CORIN: variants seen among roughly 807,000 people sequenced by gnomAD.
CORIN encodes the protein atrial natriuretic peptide-converting enzyme.
A neutral mutation model predicts 125.3 loss-of-function variants in CORIN; 117 were observed. That is an observed-to-expected ratio of 0.93 (90% CI 0.80 to 1.09). The LOEUF (loss-of-function observed/expected upper bound fraction) is 1.09. CORIN is among the 50% of genes least tolerant of loss of function. The pLI, the probability that CORIN is intolerant of heterozygous loss-of-function variation, is 0.00. For missense variants in CORIN, 1,253 were observed against 1,306.7 expected (o/e 0.96, Z 0.63); for synonymous variants, 450 against 466.4 (o/e 0.96, Z 0.45).
At chr4:47,729,613 A>AC (rs1328344519) in intron 5 of CORIN, among the ~76,000 whole-genome samples, 1 of 152,152 alleles carries the variant, frequency 6.6e-6, no homozygotes, top group Non-Finnish European at 1.5e-5. Flanking sequence ...AATGATACAG[A>AC]CGGGAGGTGG....
At position 47,630,809 on chromosome 4, in the gene CORIN, C is replaced by T. The variant is rs74883661; in HGVS notation, c.2199-4288G>A. Among the ~76,000 whole-genome samples the T allele has an allele frequency of 4.4e-3, 675 of 152,310 alleles. 4 individuals carry two copies. Among genetic ancestry groups the T allele is most frequent in the African/African-American group, 0.016 (646 of 41,560 alleles). Reference sequence around the variant, plus strand: ...ATCACCTGGAGGACCTGTTACAACACAGATTTGTTGGCCTCATCCCCAGAT... The same window carrying T: ...ATCACCTGGAGGACCTGTTACAACATAGATTTGTTGGCCTCATCCCCAGAT... On this transcript the variant is annotated intron_variant, in intron 16 of 21. Transcript: ENST00000273857.
rs58545215 is a variant in CORIN, at chr4:47,706,983, G to C, written c.800-13900C>G. On this transcript the variant is annotated intron_variant, in intron 5 of 21. Transcript: ENST00000273857. ...AATACTCTCCAGCTCCACCGTTACCGCTAATACAAGTAAAGTTTGTAAAAT... is the reference window on the plus strand; with the variant it reads ...AATACTCTCCAGCTCCACCGTTACCCCTAATACAAGTAAAGTTTGTAAAAT... 4,563 of 1,562,930 alleles carry C rather than the reference G, an allele frequency of 2.9e-3. 98 individuals are homozygous for C. The African/African-American group carries it at 0.049, about 17-fold the overall frequency.
intron 3 of CORIN, among the ~76,000 whole-genome samples, chr4:47,776,314 C>T (rs773872564): frequency 1.3e-4 from 19 of 144,268 alleles, no homozygotes; most frequent in East Asian, 6.4e-4. Flanking sequence ...GAGTCAAGGT[C>T]TCACTCTGTT....
In CORIN at chr4:47,628,103, G is replaced by C. The variant is rs140465508; in HGVS notation, c.2199-1582C>G. Among the ~76,000 whole-genome samples the C allele has an allele frequency of 6.6e-4, 101 of 152,212 alleles. 1 individual carries two copies. In the East Asian group the frequency reaches 0.015, roughly 22 times the overall value. On this transcript the variant is annotated intron_variant, in intron 16 of 21. Coordinates refer to ENST00000273857, the MANE Select transcript of CORIN (RefSeq NM_006587.4). ...TAAGAAATTAATCATCAAGGATAGG[G>C]GAGTATCATTATGAAAATTAGGTTT... is the stretch of plus-strand genomic sequence containing the variant.
chr4:47,738,335 T>C (rs888381985), intron 5 of CORIN, among the ~76,000 whole-genome samples: 1 of 152,194 alleles, frequency 6.6e-6, no homozygotes, highest in Non-Finnish European at 1.5e-5. Context: ...TCGACTCTGC[T>C]ACAGTACTGA....
At chr4:47,613,961 A>T (rs66911545) in intron 19 of CORIN, among the ~76,000 whole-genome samples, 40,964 of 147,332 alleles carry the variant, frequency 0.28, 5,668 homozygotes, top group Admixed American at 0.36. Context: ...AGTATAATAA[A>T]AAAAAAAAAG....
chr4:47,664,374 C>G (rs1724378461), intron 11 of CORIN, among the ~76,000 whole-genome samples: 2 of 152,192 alleles, frequency 1.3e-5, no homozygotes. Context: ...CCATTACTAT[C>G]CTTATTCTAC....
At position 47,595,521 on chromosome 4, in the gene CORIN, T is replaced by C. The variant is rs1721217252; in HGVS notation, c.*200A>G. ...GCTTTTGTAAAGTCTTTCATTGAAC[T>C]TGAAATAAGAGAAAAATGAAGGTGA... On this transcript the variant is annotated 3_prime_UTR_variant, in exon 22 of 22. Coordinates refer to ENST00000273857, the MANE Select transcript of CORIN (RefSeq NM_006587.4). The C allele has an allele frequency of 2.6e-6, 1 of 386,504 alleles. No homozygotes were observed. The highest frequency in any genetic ancestry group is 4.6e-6 in the Non-Finnish European group (1 of 218,312). 23.9% of individuals were successfully genotyped at this position (386,504 alleles called of 1,614,324 possible).
chr4:47,786,547 C>A (rs1157585313), intron 3 of CORIN, among the ~76,000 whole-genome samples, 178 bp downstream of exon 3: 3 of 151,746 alleles, frequency 2.0e-5, no homozygotes, highest in East Asian at 1.9e-4. Flanking sequence ...GCCTGAAAAA[C>A]AACAACAACA....
At chr4:47,789,265 T>C (rs1235845809) in intron 2 of CORIN, among the ~76,000 whole-genome samples, 3 of 151,942 alleles carry the variant, frequency 2.0e-5, no homozygotes, top group Admixed American at 6.6e-5. Context: ...GTTTGCACCA[T>C]TGCACTCCAG....
At chr4:47,830,021 T>C (rs969663159) in intron 1 of CORIN, among the ~76,000 whole-genome samples, 1 of 152,146 alleles carries the variant, frequency 6.6e-6, no homozygotes, top group African/African-American at 2.4e-5. Context: ...TTTTAAAGGA[T>C]GACAGAGAAA....
intron 5 of CORIN, among the ~76,000 whole-genome samples, chr4:47,706,185 C>G (rs1359838937): frequency 7.9e-5 from 12 of 152,216 alleles, no homozygotes; most frequent in Admixed American, 6.5e-4. Context: ...AAGATAATCT[C>G]ATTACAAATC....
intron 2 of CORIN, among the ~76,000 whole-genome samples, chr4:47,792,076 T>A (rs1219170508): frequency 6.6e-6 from 1 of 152,148 alleles, no homozygotes. Flanking sequence ...TAAATGTGAA[T>A]CTTAAAAGAT....
chr4:47,796,993 G>A (rs114522945), intron 2 of CORIN, among the ~76,000 whole-genome samples: 1,717 of 151,928 alleles, frequency 0.011, 38 homozygotes, highest in African/African-American at 0.038. Flanking sequence ...TTTGTTTCAT[G>A]CCTTCTTCCC....
At chr4:47,663,158 A>G (rs1388167865) in intron 11 of CORIN, among the ~76,000 whole-genome samples, 2 of 152,192 alleles carry the variant, frequency 1.3e-5, no homozygotes, top group African/African-American at 4.8e-5. Flanking sequence ...ATGCAGCACC[A>G]CAAGTCCAGG....
chr4:47,779,246 C>G (rs1730428147), intron 3 of CORIN, among the ~76,000 whole-genome samples: 1 of 152,030 alleles, frequency 6.6e-6, no homozygotes, highest in Non-Finnish European at 1.5e-5. Flanking sequence ...GCAGGCGGAT[C>G]ACTCAAGGTC....
Position 47,642,633 on chromosome 4 carries a change from A to C in CORIN, c.2068+513T>G, listed in dbSNP as rs570895230. Among the ~76,000 whole-genome samples the C allele has an allele frequency of 1.3e-5, 2 of 152,342 alleles. 1 individual carries two copies. Among genetic ancestry groups the C allele is most frequent in the South Asian group, 4.1e-4 (2 of 4,826 alleles). The stretch of plus-strand genomic sequence containing the variant: ...AGCTGAGTGAATGGAAGGAGTGATG[A>C]GTGTGGGATGAGGAAATTAATCAAA... On this transcript the variant is annotated intron_variant, in intron 15 of 21. Transcript: ENST00000273857.
At chr4:47,642,266 G>A (rs921578463) in intron 15 of CORIN, among the ~76,000 whole-genome samples, 3 of 152,084 alleles carry the variant, frequency 2.0e-5, no homozygotes, top group East Asian at 3.8e-4. Flanking sequence ...TCAAAGAACC[G>A]TAGACTCTAA....
intron 5 of CORIN, among the ~76,000 whole-genome samples, chr4:47,712,090 A>C (rs945071288): frequency 6.6e-6 from 1 of 152,252 alleles, no homozygotes; most frequent in Non-Finnish European, 1.5e-5. Context: ...GTGAAGATTA[A>C]TTGAGATAAT....
Sources: allele counts gnomAD v4.1 joint callset (sites outside exome capture counted in the v4.1 genomes callset), GRCh38; gene constraint gnomAD v4.1.1; transcripts MANE v1.5; gene names NCBI Gene and HGNC (gene_info 2026-07-23, HGNC 2026-07-21).